Variants in RNPEP observed in about 807,000 individuals in gnomAD.
The protein encoded by RNPEP is aminopeptidase B.
RNPEP carries 57 observed loss-of-function variants against 70.1 expected under a neutral mutation model. The observed-to-expected ratio is 0.81, with a 90% CI of 0.66 to 1.01. The LOEUF is 1.01. RNPEP is among the 50% of genes least tolerant of loss of function. The probability of loss-of-function intolerance (pLI) is 0.00; values close to 1 mark genes in which losing one functional copy is unlikely to be tolerated. For missense variants in RNPEP, 787 were observed against 852.4 expected (o/e 0.92, Z 0.96); for synonymous variants, 335 against 357.4 (o/e 0.94, Z 0.71).
chr1:201,989,559 G>T, intron 3 of RNPEP, 28 bp downstream of exon 3: 1 of 1,613,628 alleles, frequency 6.2e-7, no homozygotes, highest in East Asian at 2.2e-5. Flanking sequence ...CACAGGCAAG[G>T]TTGGATTGGC....
rs905570184 is a variant in RNPEP at position 202,005,878 on chromosome 1, G to C, written c.*162G>C. 29 of 831,190 alleles carry C rather than the reference G, an allele frequency of 3.5e-5. No homozygotes were observed. The Admixed American group carries it at 8.0e-4, about 23-fold the overall frequency. 51.5% of individuals were successfully genotyped at this position (831,190 alleles called of 1,614,324 possible). A position where few individuals can be genotyped will look rare whatever the true frequency, so the allele number is the denominator to read the frequency against. ...TCTGTGACTCTTGGGCCTCTGCTCTGGTGGGAACTTACTTCTCTATAGCCC... is the reference window on the plus strand; with the variant it reads ...TCTGTGACTCTTGGGCCTCTGCTCTCGTGGGAACTTACTTCTCTATAGCCC... On this transcript the variant is annotated 3_prime_UTR_variant, in exon 11 of 11. Coordinates refer to ENST00000295640, the MANE Select transcript of RNPEP (RefSeq NM_020216.4).
chr1:201,996,503 G>GTGTGTC, intron 4 of RNPEP: 1 of 385,640 alleles, frequency 2.6e-6, no homozygotes, highest in Non-Finnish European at 4.7e-6. Context: ...GTGTGTGTGT[G>GTGTGTC]TGTGTTTTGA....
chr1:201,992,398 A>G (rs1484392240), intron 3 of RNPEP, among the ~76,000 whole-genome samples: 1 of 152,028 alleles, frequency 6.6e-6, no homozygotes, highest in Non-Finnish European at 1.5e-5. Context: ...ATTCACACCC[A>G]TGCTCTGGAG....
At chr1:201,989,785 G>C (rs1683258125) in intron 3 of RNPEP, among the ~76,000 whole-genome samples, 1 of 151,976 alleles carries the variant, frequency 6.6e-6, no homozygotes, top group African/African-American at 2.4e-5. Flanking sequence ...CAGTAGCGCT[G>C]TCCTGGGCTG....
In RNPEP at chr1:201,982,840, G is replaced by A. The variant is rs888657412; in HGVS notation, c.174G>A (p.Gly58=). Residue 58 remains glycine (G), a synonymous_variant, in exon 1 of 11, where the codon GGG becomes GGA. Coordinates refer to ENST00000295640, the MANE Select transcript of RNPEP (RefSeq NM_020216.4). ...CAGGGCCCGGCGCAGGGAGCCGGGGGCTGAGCGGCACCGCGGTCCTGGACC... is the reference window on the plus strand; with the variant it reads ...CAGGGCCCGGCGCAGGGAGCCGGGGACTGAGCGGCACCGCGGTCCTGGACC... The part of the protein sequence containing the change: ...GPPGPGAGSR[G]LSGTAVLDLR... 9.7e-6 allele frequency: 13 copies of A among 1,346,772 alleles called. No homozygotes were observed. The South Asian group carries it at 2.1e-4, about 22-fold the overall frequency. The allele number at this position is 1,346,772 out of a possible 1,614,324, so 83.4% of individuals were successfully genotyped here. A position where few individuals can be genotyped will look rare whatever the true frequency, so the allele number is the denominator to read the frequency against.
intron 8 of RNPEP, among the ~76,000 whole-genome samples, 178 bp downstream of exon 8, chr1:202,001,945 C>T (rs546370032): frequency 1.3e-5 from 2 of 152,186 alleles, no homozygotes; most frequent in African/African-American, 4.8e-5. Flanking sequence ...CTTCTTTTCA[C>T]TCCTCTCTGC....
intron 5 of RNPEP, among the ~76,000 whole-genome samples, chr1:201,999,261 G>T (rs1683692726): frequency 1.3e-5 from 2 of 151,682 alleles, no homozygotes; most frequent in Admixed American, 1.3e-4. Flanking sequence ...ATAAGGCCGG[G>T]GGCTGGGCGT....
Position 201,982,675 on chromosome 1 carries a change from C to A in RNPEP, c.9C>A (p.Ser3Arg), listed in dbSNP as rs1417039462. The A allele has an allele frequency of 1.5e-6, 2 of 1,375,874 alleles. No individual in the cohort carries two copies. The highest frequency in any genetic ancestry group is 1.9e-6 in the Non-Finnish European group (2 of 1,059,946). 85.2% of individuals were successfully genotyped at this position (1,375,874 alleles called of 1,614,324 possible). ...GCAACGGCTCTGCGGCCATGGCGAG[C>A]GGCGAGCATTCCCCCGGCAGCGGCG... MA[S>R]GEHSPGSGAA... The change falls in exon 1 of 11, where the codon AGC becomes AGA. Residue 3 changes from serine to arginine, a missense_variant. Coordinates refer to ENST00000295640, the MANE Select transcript of RNPEP (RefSeq NM_020216.4).
intron 3 of RNPEP, among the ~76,000 whole-genome samples, chr1:201,993,808 T>G (rs1446032970): frequency 1.3e-5 from 2 of 151,912 alleles, no homozygotes; most frequent in African/African-American, 4.8e-5. Context: ...CAAAAAACCC[T>G]TAACTCCATA....
intron 8 of RNPEP, among the ~76,000 whole-genome samples, chr1:202,002,048 G>A (rs1393334255): frequency 6.6e-6 from 1 of 152,116 alleles, no homozygotes; most frequent in East Asian, 1.9e-4. Context: ...CACTGCTGCC[G>A]CACCACTGCC....
intron 10 of RNPEP, 140 bp downstream of exon 10, chr1:202,004,636 C>T: frequency 2.0e-6 from 2 of 1,013,982 alleles, no homozygotes; most frequent in Non-Finnish European, 2.9e-6. Flanking sequence ...GACCCTACCA[C>T]TCAGCCTCTT....
chr1:201,987,658 G>A (rs986653920), intron 1 of RNPEP, among the ~76,000 whole-genome samples: 34 of 151,458 alleles, frequency 2.2e-4, no homozygotes, highest in Admixed American at 5.9e-4. Context: ...GGCAGGTCAC[G>A]AACGCCTGAC....
At chr1:201,998,685 C>T (rs1034423756) in intron 5 of RNPEP, among the ~76,000 whole-genome samples, 10 of 152,288 alleles carry the variant, frequency 6.6e-5, no homozygotes, top group African/African-American at 2.4e-4. Flanking sequence ...CATTAGGAAT[C>T]CTGCAAGCAA....
chr1:201,988,797 G>A, intron 1 of RNPEP, 107 bp from the exon 2 acceptor site: 1 of 1,384,866 alleles, frequency 7.2e-7, no homozygotes, highest in Non-Finnish European at 9.8e-7. Flanking sequence ...TGGCGGAAAG[G>A]TTTTAAGGAT....
At chr1:201,986,838 C>A (rs1683148747) in intron 1 of RNPEP, among the ~76,000 whole-genome samples, 1 of 152,122 alleles carries the variant, frequency 6.6e-6, no homozygotes, top group Non-Finnish European at 1.5e-5. Context: ...CTGCGCCCAG[C>A]CAAAGTGCCA....
Position 202,006,050 on chromosome 1 carries a change from TTTTC to T in RNPEP, c.*337_*340del, listed in dbSNP as rs1684054308. 1 of 234,926 alleles carries T rather than the reference TTTTC, an allele frequency of 4.3e-6. No homozygotes were observed. The highest frequency in any genetic ancestry group is 2.2e-5 in the African/African-American group (1 of 45,412). The allele number at this position is 234,926 out of a possible 1,614,324, so 14.6% of individuals were successfully genotyped here. On this transcript the variant is annotated 3_prime_UTR_variant, in exon 11 of 11. Coordinates refer to ENST00000295640, the MANE Select transcript of RNPEP (RefSeq NM_020216.4). Reference sequence around the variant, plus strand: ...CTCTTCTTTTTTCTCTTTCTGTCCTTTTTCTTGCTGATTTTATGCAAAGGGCTGG... The same window carrying T: ...CTCTTCTTTTTTCTCTTTCTGTCCTTTTGCTGATTTTATGCAAAGGGCTGG...
chr1:201,999,903 C>T lies in RNPEP; in HGVS notation c.1092C>T (p.Gly364=), dbSNP rs746571280. The T allele has an allele frequency of 2.4e-5, 38 of 1,612,118 alleles. No homozygotes were observed. Among genetic ancestry groups the T allele is most frequent in the Non-Finnish European group, 2.7e-5 (32 of 1,178,938 alleles). Residue 364 remains glycine (G), a splice_region_variant and synonymous_variant, in exon 6 of 11, where the codon GGC becomes GGT. Transcript: ENST00000295640. ...GGCTTACGTTTGATTCTGCACCAGG[C>T]GCTGCGTACACCTGCTTGGAGGCTG... ...AQRRISTILF[G]AAYTCLEAAT... is the part of the protein sequence containing the mutation.
In RNPEP at chr1:201,982,973, C is replaced by T; in HGVS notation, c.307C>T (p.Pro103Ser). 1 of 1,506,464 alleles carries T rather than the reference C, an allele frequency of 6.6e-7. No homozygotes were observed. The highest frequency in any genetic ancestry group is 8.8e-7 in the Non-Finnish European group (1 of 1,130,514). The allele number at this position is 1,506,464 out of a possible 1,614,324, so 93.3% of individuals were successfully genotyped here. ...LRRERPGSEE[P>S]PAEPVSFYTQ... ...GCGGGAGCGGCCCGGCTCGGAGGAGCCGCCTGCGGAGCCCGTGAGCTTCTA... is the reference window on the plus strand; with the variant it reads ...GCGGGAGCGGCCCGGCTCGGAGGAGTCGCCTGCGGAGCCCGTGAGCTTCTA... The change falls in exon 1 of 11, where the codon CCG becomes TCG. Residue 103 changes from proline to serine, a missense_variant. Coordinates refer to ENST00000295640, the MANE Select transcript of RNPEP (RefSeq NM_020216.4).
chr1:201,984,826 T>TTCTTTTTC (rs1409790050), intron 1 of RNPEP, among the ~76,000 whole-genome samples: 1 of 7,612 alleles, frequency 1.3e-4, no homozygotes, highest in Admixed American at 1.3e-3. Flanking sequence ...TCTTTCTTTT[T>TTCTTTTTC]TTTTTTTTTT....
Sources: allele counts gnomAD v4.1 joint callset (sites outside exome capture counted in the v4.1 genomes callset), GRCh38; gene constraint gnomAD v4.1.1; transcripts MANE v1.5; gene names NCBI Gene and HGNC (gene_info 2026-07-23, HGNC 2026-07-21).